Variants in CBLB observed in about 807,000 individuals in gnomAD.
CBLB encodes the protein Cbl proto-oncogene B.
In CBLB, 31 loss-of-function variants were observed where a neutral mutation model predicts 104.9. The observed-to-expected ratio is 0.30, with a 90% CI of 0.22 to 0.40. The LOEUF (loss-of-function observed/expected upper bound fraction) is 0.40, where lower values mean the gene tolerates loss of function less well. Ranked by LOEUF, CBLB falls within the 10% of genes least tolerant of loss-of-function variation. The pLI is 1.00. For synonymous variants in CBLB, 440 were observed against 422.6 expected (o/e 1.04, Z -0.51); for missense variants, 1,062 against 1,214.6 (o/e 0.87, Z 1.87).
chr3:105,756,777 A>G (rs1429357599), intron 4 of CBLB, among the ~76,000 whole-genome samples: 1 of 152,322 alleles, frequency 6.6e-6, no homozygotes, highest in East Asian at 1.9e-4. Flanking sequence ...ATGTACCCAT[A>G]TATAAACACT....
rs2072576347 is a variant in CBLB at position 105,720,159 on chromosome 3, C to A, written c.1295G>T (p.Gly432Val). The A allele has an allele frequency of 3.7e-6, 6 of 1,613,760 alleles. No individual in the cohort carries two copies. The highest frequency in any genetic ancestry group is 1.7e-5 in the Admixed American group (1 of 59,962). ...IVDPFDPRDE[G>V]SRCCSIIDPF... Reference sequence around the variant, plus strand: ...GTCAATGATGCTGCAACACCTGGAGCCTTCATCTCTTGGATCAAAGGGGTC... The same window carrying A: ...GTCAATGATGCTGCAACACCTGGAGACTTCATCTCTTGGATCAAAGGGGTC... The change falls in exon 10 of 19, where the codon GGC (glycine) becomes GTC (valine). Residue 432 changes from glycine to valine, a missense_variant. Physicochemically the swap from Gly to Val is moderately radical, Grantham distance 109 (BLOSUM62 -3). Coordinates refer to ENST00000394030, the MANE Select transcript of CBLB (RefSeq NM_170662.5).
At chr3:105,773,055 G>T (rs943565100) in intron 4 of CBLB, among the ~76,000 whole-genome samples, 10 of 152,146 alleles carry the variant, frequency 6.6e-5, no homozygotes, top group African/African-American at 2.4e-4. Context: ...CAAAGGAAAA[G>T]AAGTCATTAT....
intron 3 of CBLB, among the ~76,000 whole-genome samples, chr3:105,776,975 G>C (rs1560192851): frequency 6.6e-6 from 1 of 152,118 alleles, no homozygotes; most frequent in Non-Finnish European, 1.5e-5. Flanking sequence ...ACAGATAAAA[G>C]ACCTGGAGAG....
In CBLB at chr3:105,751,585, G is replaced by C; in HGVS notation, c.600C>G (p.Cys200Trp). 6.2e-7 allele frequency: 1 copy of C among 1,613,144 alleles called. No individual in the cohort carries two copies. The highest frequency in any genetic ancestry group is 8.5e-7 in the Non-Finnish European group (1 of 1,179,194). ...AGCTAATCTGGTGGACCTCATGAAG[G>C]CACTGTCTGAATACTTTCCATGGTA... is the stretch of plus-strand genomic sequence containing the variant. Reference protein sequence around the residue: ...TIVPWKVFRQCLHEVHQISSG... With the variant: ...TIVPWKVFRQWLHEVHQISSG... The change falls in exon 5 of 19, where the codon TGC becomes TGG. Residue 200 changes from cysteine (C) to tryptophan (W), a missense_variant. Physicochemically the swap from Cys to Trp is radical, Grantham distance 215. Transcript: ENST00000394030.
intron 12 of CBLB, among the ~76,000 whole-genome samples, chr3:105,697,448 T>C (rs1430927189): frequency 1.3e-5 from 2 of 151,962 alleles, no homozygotes; most frequent in African/African-American, 4.8e-5. Flanking sequence ...GAAAAACATC[T>C]TTTAAAAATC....
chr3:105,660,477 C>G (rs1015754279), intron 18 of CBLB, among the ~76,000 whole-genome samples: 2 of 152,060 alleles, frequency 1.3e-5, no homozygotes, highest in East Asian at 1.9e-4. Context: ...CAGGAGTGAG[C>G]CACCGCACCT....
At chr3:105,724,339 G>T (rs1207949518) in intron 9 of CBLB, 1 of 155,110 alleles carries the variant, frequency 6.4e-6, no homozygotes, top group Non-Finnish European at 1.4e-5. Flanking sequence ...GTTTTGATTT[G>T]GGATGCCCAT....
At chr3:105,733,061 C>T (rs2074493340) in intron 9 of CBLB, among the ~76,000 whole-genome samples, 1 of 152,034 alleles carries the variant, frequency 6.6e-6, no homozygotes, top group African/African-American at 2.4e-5. Flanking sequence ...ATCTTTGTTA[C>T]AGATGAAGAA....
intron 3 of CBLB, among the ~76,000 whole-genome samples, chr3:105,806,257 T>C (rs1054701767): frequency 1.3e-5 from 2 of 152,174 alleles, no homozygotes; most frequent in Admixed American, 6.5e-5. Context: ...ACATATAGTA[T>C]GTGTTGAATT....
chr3:105,861,150 A>G (rs1441517551), intron 2 of CBLB, among the ~76,000 whole-genome samples: 2 of 151,998 alleles, frequency 1.3e-5, no homozygotes, highest in Admixed American at 6.6e-5. Flanking sequence ...AAAAACCTTT[A>G]GTAAAATTGT....
chr3:105,656,285 TAA>T lies in CBLB; in HGVS notation c.*2683_*2684del, dbSNP rs3215309. On this transcript the variant is annotated 3_prime_UTR_variant, in exon 19 of 19. Transcript: ENST00000394030. ...TTATGTATTATATGAAATGCTGACT[TAA>T]AAAAAAATTGTTACCAAATCTTGAG... The T allele has an allele frequency of 9.6e-6, 2 of 208,414 alleles. No individual in the cohort carries two copies. The highest frequency in any genetic ancestry group is 4.6e-5 in the African/African-American group (2 of 43,814). 12.9% of individuals were successfully genotyped at this position (208,414 alleles called of 1,614,324 possible). A position where few individuals can be genotyped will look rare whatever the true frequency, so the allele number is the denominator to read the frequency against.
intron 18 of CBLB, among the ~76,000 whole-genome samples, chr3:105,668,811 G>A (rs1029910833): frequency 1.3e-5 from 2 of 152,178 alleles, no homozygotes; most frequent in East Asian, 1.9e-4. Context: ...AAGAACTACC[G>A]TACTGACAAT....
intron 3 of CBLB, among the ~76,000 whole-genome samples, chr3:105,826,940 T>G (rs1257543958): frequency 2.0e-5 from 3 of 152,224 alleles, no homozygotes; most frequent in African/African-American, 7.2e-5. Flanking sequence ...TCCCTGGTTT[T>G]CTTCAAAATG....
intron 2 of CBLB, among the ~76,000 whole-genome samples, chr3:105,857,685 T>C (rs916295159): frequency 6.6e-6 from 1 of 152,342 alleles, no homozygotes; most frequent in East Asian, 1.9e-4. Context: ...TTTATTTTAT[T>C]CCATTTGCAA....
intron 12 of CBLB, among the ~76,000 whole-genome samples, chr3:105,699,225 CAA>C (rs1386683085): frequency 2.0e-5 from 3 of 151,962 alleles, no homozygotes; most frequent in Admixed American, 6.5e-5. Context: ...AGGAGTGAAA[CAA>C]AGAGAAGATG....
chr3:105,703,906 A>G, intron 11 of CBLB, 82 bp downstream of exon 11: 1 of 1,290,048 alleles, frequency 7.8e-7, no homozygotes, highest in Non-Finnish European at 1.1e-6. Context: ...AAAAAATATG[A>G]GTAATGGAAT....
chr3:105,754,274 C>G (rs2076842201), intron 4 of CBLB, among the ~76,000 whole-genome samples: 1 of 152,020 alleles, frequency 6.6e-6, no homozygotes, highest in Admixed American at 6.6e-5. Context: ...TTTCTTAAGA[C>G]TAAGTGGCTA....
At chr3:105,736,612 G>T (rs2074974522) in intron 8 of CBLB, among the ~76,000 whole-genome samples, 1 of 152,050 alleles carries the variant, frequency 6.6e-6, no homozygotes, top group East Asian at 1.9e-4. Flanking sequence ...AATACCTGTT[G>T]TATAGATTTT....
chr3:105,701,874 G>GC, intron 12 of CBLB, among the ~76,000 whole-genome samples: 1 of 152,038 alleles, frequency 6.6e-6, no homozygotes, highest in African/African-American at 2.4e-5. Context: ...AAATTGTCTA[G>GC]TGTCTTCACA....
Sources: allele counts gnomAD v4.1 joint callset (sites outside exome capture counted in the v4.1 genomes callset), GRCh38; gene constraint gnomAD v4.1.1; transcripts MANE v1.5; gene names NCBI Gene and HGNC (gene_info 2026-07-23, HGNC 2026-07-21).